ETS1: variants seen among roughly 807,000 people sequenced by gnomAD.
ETS1 encodes protein C-ets-1.
A neutral mutation model predicts 58.6 loss-of-function variants in ETS1; 15 were observed. The observed-to-expected ratio is 0.26, with a 90% CI of 0.17 to 0.39. ETS1 has a LOEUF of 0.39. ETS1 is among the 10% of genes least tolerant of loss of function. The pLI is 1.00. For synonymous variants in ETS1, 214 were observed against 218.2 expected (o/e 0.98, Z 0.17); for missense variants, 417 against 610.5 (o/e 0.68, Z 3.34).
chr11:128,550,320 A>G (rs746260296), intron 3 of ETS1, among the ~76,000 whole-genome samples: 51 of 152,262 alleles, frequency 3.3e-4, no homozygotes, highest in Non-Finnish European at 6.6e-4. Flanking sequence ...CTACCAAGGC[A>G]GCAGGAGGTG....
chr11:128,460,458 G>A lies in ETS1; in HGVS notation c.*1903C>T, dbSNP rs1037137597. On this transcript the variant is annotated 3_prime_UTR_variant, in exon 10 of 10. Transcript: ENST00000392668. Reference sequence around the variant, plus strand: ...TTAAAGATATGCTAGAAAGTAGTTAGTACTTCCAATTTCTCATCCAAATCC... The same window carrying A: ...TTAAAGATATGCTAGAAAGTAGTTAATACTTCCAATTTCTCATCCAAATCC... The A allele has an allele frequency of 9.8e-5, 15 of 152,592 alleles. No homozygotes were observed. Among genetic ancestry groups the A allele is most frequent in the African/African-American group, 3.6e-4 (15 of 41,432 alleles). The allele number at this position is 152,592 out of a possible 1,614,324, so 9.5% of individuals were successfully genotyped here.
chr11:128,569,870 C>A (rs948769679), intron 2 of ETS1, among the ~76,000 whole-genome samples: 3 of 152,178 alleles, frequency 2.0e-5, no homozygotes, highest in Non-Finnish European at 4.4e-5. Flanking sequence ...TTTTGTACAA[C>A]CTTCTGCTTT....
At chr11:128,504,037 GA>G (rs1407942565) in intron 3 of ETS1, among the ~76,000 whole-genome samples, 9 of 152,200 alleles carry the variant, frequency 5.9e-5, no homozygotes, top group African/African-American at 2.2e-4. Context: ...TGAGGAGTCA[GA>G]AATCCTGAGA....
At chr11:128,547,368 G>C (rs1028422584) in intron 3 of ETS1, among the ~76,000 whole-genome samples, 10 of 152,198 alleles carry the variant, frequency 6.6e-5, no homozygotes, top group African/African-American at 2.4e-4. Context: ...CAAAATTTCA[G>C]CAGGATCACA....
intron 1 of ETS1, among the ~76,000 whole-genome samples, chr11:128,579,276 A>G (rs1749243722): frequency 6.6e-6 from 1 of 152,200 alleles, no homozygotes; most frequent in Non-Finnish European, 1.5e-5. Flanking sequence ...TAGATTTCCA[A>G]TGAGCATTTA....
intron 3 of ETS1, among the ~76,000 whole-genome samples, chr11:128,509,109 C>G (rs1196784932): frequency 1.3e-5 from 2 of 152,070 alleles, no homozygotes; most frequent in African/African-American, 4.8e-5. Flanking sequence ...TTGCAGTCAG[C>G]CTGAAATTTC....
At chr11:128,585,070 AAGAAAG>A (rs1192878964) in intron 1 of ETS1, among the ~76,000 whole-genome samples, 1 of 24,124 alleles carries the variant, frequency 4.1e-5, no homozygotes. Context: ...GAAAGAAAGA[AAGAAAG>A]AGAAAGAAAG....
chr11:128,490,756 T>C (rs1259565415), intron 3 of ETS1, among the ~76,000 whole-genome samples, 180 bp from the exon 4 acceptor site: 1 of 146,314 alleles, frequency 6.8e-6, no homozygotes, highest in African/African-American at 2.5e-5. Context: ...TCTTGCTCTG[T>C]CACCCAGGCT....
At chr11:128,560,480 G>C (rs538006073) in intron 2 of ETS1, among the ~76,000 whole-genome samples, 55 of 152,302 alleles carry the variant, frequency 3.6e-4, no homozygotes, top group African/African-American at 1.3e-3. Context: ...TTTTACAGAA[G>C]AGCAAACAGG....
chr11:128,516,233 G>A (rs11601061), intron 3 of ETS1, among the ~76,000 whole-genome samples: 66 of 152,210 alleles, frequency 4.3e-4, no homozygotes, highest in Non-Finnish European at 7.9e-4. Context: ...TCATCAACCC[G>A]ACAGAAAAAA....
At chr11:128,476,030 G>C (rs1862314665) in intron 8 of ETS1, among the ~76,000 whole-genome samples, 1 of 152,140 alleles carries the variant, frequency 6.6e-6, no homozygotes, top group African/African-American at 2.4e-5. Context: ...TTTCATTACA[G>C]TTAGTGAATG....
At position 128,490,555 on chromosome 11, in the gene ETS1, G is replaced by A; in HGVS notation, c.236C>T (p.Pro79Leu). 1 of 1,607,276 alleles carries A rather than the reference G, an allele frequency of 6.2e-7. No individual in the cohort carries two copies. Among genetic ancestry groups the A allele is most frequent in the African/African-American group, 1.3e-5 (1 of 74,738 alleles). ...CVSDMECADV[P>L]LLTPSSKEMM... ...TTCTTTGCTGCTTGGAGTTAATAGT[G>A]GGACATCTGCACATTCCATATCTGC... Residue 79 changes from proline (P) to leucine (L), a missense_variant, in exon 4 of 10, where the codon CCA becomes CTA. Transcript: ENST00000392668.
intron 3 of ETS1, among the ~76,000 whole-genome samples, chr11:128,510,654 A>G (rs960935058): frequency 2.0e-5 from 3 of 152,222 alleles, no homozygotes; most frequent in Admixed American, 2.0e-4. Flanking sequence ...GTTAGTGCCC[A>G]GATTCAAAAC....
chr11:128,465,878 T>A (rs528383169), intron 8 of ETS1, among the ~76,000 whole-genome samples: 50 of 152,302 alleles, frequency 3.3e-4, no homozygotes, highest in African/African-American at 1.1e-3. Context: ...CAGAGAAAAC[T>A]GACACACTGC....
At chr11:128,488,960 C>G (rs1862717260) in intron 5 of ETS1, among the ~76,000 whole-genome samples, 1 of 152,006 alleles carries the variant, frequency 6.6e-6, no homozygotes, top group Non-Finnish European at 1.5e-5. Context: ...AAAAACTATT[C>G]TTGGGTTGGC....
At chr11:128,536,874 T>A (rs1409973108) in intron 3 of ETS1, 1 of 152,230 alleles carries the variant, frequency 6.6e-6, no homozygotes, top group African/African-American at 2.4e-5. Flanking sequence ...TTTTTATGTG[T>A]CAAACTTCAG....
intron 3 of ETS1, among the ~76,000 whole-genome samples, chr11:128,492,793 GT>G (rs58568909): frequency 0.023 from 3,470 of 152,220 alleles, 115 homozygotes; most frequent in African/African-American, 0.075. Context: ...GTAGAAATCA[GT>G]TTTACTTTAG....
Position 128,462,247 on chromosome 11 carries a change from A to G in ETS1, c.*114T>C. ...TGACTTAGCTCCCACCCCTGAAGGT[A>G]AAAAATGAGTTCTGGAAAATAAAAA... On this transcript the variant is annotated 3_prime_UTR_variant, in exon 10 of 10. Coordinates refer to ENST00000392668, the MANE Select transcript of ETS1 (RefSeq NM_001143820.2). 1 of 841,232 alleles carries G rather than the reference A, an allele frequency of 1.2e-6. No homozygotes were observed. Among genetic ancestry groups the G allele is most frequent in the Non-Finnish European group, 1.9e-6 (1 of 539,050 alleles). 52.1% of individuals were successfully genotyped at this position (841,232 alleles called of 1,614,324 possible).
chr11:128,537,575 T>A (rs1379377449), intron 3 of ETS1, among the ~76,000 whole-genome samples: 1 of 152,170 alleles, frequency 6.6e-6, no homozygotes, highest in East Asian at 1.9e-4. Flanking sequence ...GAAACTGACA[T>A]GAAATAAACT....
Sources: allele counts gnomAD v4.1 joint callset (sites outside exome capture counted in the v4.1 genomes callset), GRCh38; gene constraint gnomAD v4.1.1; transcripts MANE v1.5; gene names NCBI Gene and HGNC (gene_info 2026-07-23, HGNC 2026-07-21).